OTOF: variants seen among roughly 807,000 people sequenced by gnomAD.
OTOF encodes fer-1-like family member 2.
A neutral mutation model predicts 236.8 loss-of-function variants in OTOF; 218 were observed. That is an observed-to-expected ratio of 0.92 (90% CI 0.82 to 1.03). OTOF has a LOEUF of 1.03. OTOF is among the 50% of genes least tolerant of loss of function. The pLI is 0.00. For missense variants in OTOF, 2,590 were observed against 2,694.4 expected, an observed-to-expected ratio of 0.96 and a Z score of 0.86; for synonymous variants, 1,041 against 1,072.5, an observed-to-expected ratio of 0.97 and a Z score of 0.57.
chr2:26,504,800 T>G (rs1554480), intron 5 of OTOF, among the ~76,000 whole-genome samples: 47,503 of 151,868 alleles, frequency 0.31, 8,670 homozygotes, highest in South Asian at 0.4. Context: ...ATTGCATGAG[T>G]GGATACCTGA....
Position 26,473,185 on chromosome 2 carries a change from C to T in OTOF, c.3680G>A (p.Arg1227Gln), listed in dbSNP as rs759559737. The change falls in exon 29 of 47, where the codon CGA becomes CAA. Residue 1227 changes from arginine (R) to glutamine (Q), a missense_variant. Physicochemically the swap from Arg to Gln is conservative, Grantham distance 43. Coordinates refer to ENST00000272371, the MANE Select transcript of OTOF (RefSeq NM_194248.3). The surrounding 1 kb of genome is among the most constrained non-coding windows in gnomAD (Gnocchi z 7.2). ...LVGSHAVSSL[R>Q]RFIYRPPDRS... ...GTCTGGGGGCCGGTAGATGAAGCGT[C>T]GCAGGGAGCTGACGGCATGGGAGCC... 9.9e-6 allele frequency: 16 copies of T among 1,612,850 alleles called. No homozygotes were observed. The highest frequency in any genetic ancestry group is 3.3e-5 in the South Asian group (3 of 91,072).
intron 5 of OTOF, among the ~76,000 whole-genome samples, chr2:26,506,976 T>C (rs1572460319): frequency 6.6e-6 from 1 of 152,252 alleles, no homozygotes; most frequent in South Asian, 2.1e-4. Flanking sequence ...GGCGACAGAG[T>C]GAGACTCTGT....
At chr2:26,494,594 C>T (rs1665929516) in intron 9 of OTOF, among the ~76,000 whole-genome samples, 1 of 146,960 alleles carries the variant, frequency 6.8e-6, no homozygotes, top group Admixed American at 7.0e-5. Context: ...TGGAATGAGG[C>T]AGCCCTGTCC....
chr2:26,495,287 G>A (rs112871281), intron 8 of OTOF, among the ~76,000 whole-genome samples: 4 of 152,288 alleles, frequency 2.6e-5, no homozygotes, highest in African/African-American at 7.2e-5. Flanking sequence ...TTATAGAGGA[G>A]TATGAGTTGG....
rs1667658713 is a variant in OTOF at position 26,558,688 on chromosome 2, C to T, written c.-117G>A. Reference sequence around the variant, plus strand: ...GCTGCCTCCTCCTCCTCCTCCCGACCCCCCTCCGATGCTGCCCACAGAGAC... The same window carrying T: ...GCTGCCTCCTCCTCCTCCTCCCGACTCCCCTCCGATGCTGCCCACAGAGAC... On this transcript the variant is annotated 5_prime_UTR_variant, in exon 1 of 47. Coordinates refer to ENST00000272371, the MANE Select transcript of OTOF (RefSeq NM_194248.3). The T allele has an allele frequency of 1.1e-6, 1 of 878,342 alleles. No individual in the cohort carries two copies. The highest frequency in any genetic ancestry group is 2.7e-5 in the East Asian group (1 of 37,668). The allele number at this position is 878,342 out of a possible 1,614,324, so 54.4% of individuals were successfully genotyped here.
chr2:26,473,636 C>A lies in OTOF; in HGVS notation c.3409-69G>T. 1 of 1,490,100 alleles carries A rather than the reference C, an allele frequency of 6.7e-7. No individual in the cohort carries two copies. Among genetic ancestry groups the A allele is most frequent in the East Asian group, 2.3e-5 (1 of 44,062 alleles). The allele number at this position is 1,490,100 out of a possible 1,614,324, so 92.3% of individuals were successfully genotyped here. A position where few individuals can be genotyped will look rare whatever the true frequency, so the allele number is the denominator to read the frequency against. ...GTCAAGGGAGCCAGCCATGGGGGTG[C>A]TGGACCATCCAATAGGGAACCGGGC... is the stretch of plus-strand genomic sequence containing the variant. On this transcript the variant is annotated intron_variant, in intron 27 of 46. Transcript: ENST00000272371. The surrounding 1 kb of genome is among the most constrained non-coding windows in gnomAD (Gnocchi z 7.2).
rs765608808 is a variant in OTOF at position 26,477,273 on chromosome 2, G to A, written c.2422C>T (p.Gln808Ter). 5 of 1,609,000 alleles carry A rather than the reference G, an allele frequency of 3.1e-6. No homozygotes were observed. Among genetic ancestry groups the A allele is most frequent in the Non-Finnish European group, 4.2e-6 (5 of 1,178,890 alleles). Residue 808 changes from glutamine to a stop codon, truncating the protein, a stop_gained, in exon 21 of 47, where the codon CAG becomes TAG. Coordinates refer to ENST00000272371, the MANE Select transcript of OTOF (RefSeq NM_194248.3). LOFTEE classifies it high-confidence loss of function. The surrounding 1 kb of genome is among the most constrained non-coding windows in gnomAD (Gnocchi z 4.7). ...ACCTGGGCCCGCAGCATCCTGGCCT[G>A]CTGCCCCATGTTTTCCTGCGAAGGA... ...CMRELENMGQ[Q>*]ARMLRAQVKR... is the part of the protein sequence containing the mutation.
chr2:26,544,746 A>G (rs770986346), intron 1 of OTOF, among the ~76,000 whole-genome samples: 28 of 152,228 alleles, frequency 1.8e-4, no homozygotes, highest in Non-Finnish European at 3.7e-4. Context: ...TAGCTTTATA[A>G]GAAATTGCTG....
chr2:26,474,238 A>G (rs1373655232), intron 26 of OTOF, 128 bp from the exon 27 acceptor site: 6 of 1,303,060 alleles, frequency 4.6e-6, no homozygotes, highest in Middle Eastern at 2.2e-4. Context: ...AGCTTTGGTC[A>G]GGATGGGTAG....
chr2:26,471,172 A>G (rs1161395791), intron 30 of OTOF, 22 bp from the exon 31 acceptor site: 2 of 1,614,006 alleles, frequency 1.2e-6, no homozygotes, highest in Non-Finnish European at 1.7e-6. Flanking sequence ...CCAAGGAGAC[A>G]GGGGCAGAAT....
At chr2:26,497,905 T>C (rs956306470) in intron 8 of OTOF, among the ~76,000 whole-genome samples, 4 of 151,992 alleles carry the variant, frequency 2.6e-5, no homozygotes, top group Non-Finnish European at 5.9e-5. Flanking sequence ...GTTTGTAGAG[T>C]TTTAACTTCC....
Position 26,482,396 on chromosome 2 carries a change from C to A in OTOF, c.1579+10G>T. On this transcript the variant is annotated intron_variant, in intron 14 of 46. Transcript: ENST00000272371. ...CTGCCCCCCAGCACACCGGGTCTCC[C>A]GCTGCTGACCTTTGTCTCCGTCATT... The A allele has an allele frequency of 6.2e-7, 1 of 1,612,776 alleles. No homozygotes were observed.
chr2:26,531,570 G>A (rs943550982), intron 2 of OTOF, among the ~76,000 whole-genome samples: 10 of 152,204 alleles, frequency 6.6e-5, no homozygotes, highest in Middle Eastern at 3.4e-3. Flanking sequence ...CCTCCCCTTC[G>A]CCGCCATCAC....
chr2:26,520,060 C>A (rs1345768600), intron 3 of OTOF, among the ~76,000 whole-genome samples: 2 of 152,204 alleles, frequency 1.3e-5, no homozygotes, highest in African/African-American at 4.8e-5. Flanking sequence ...GAGTTGACTT[C>A]AACCCCATTG....
In OTOF at chr2:26,460,792, C is replaced by A. The variant is rs1322988791; in HGVS notation, c.5713-45G>T. ...CCCAGCGTCCAGGCTGCGTGCTGGG[C>A]CCTTGGCACCCCAGCCAGTCCCAGC... On this transcript the variant is annotated intron_variant, in intron 44 of 46. Coordinates refer to ENST00000272371, the MANE Select transcript of OTOF (RefSeq NM_194248.3). The surrounding 1 kb of genome is among the most constrained non-coding windows in gnomAD (Gnocchi z 5.3). The A allele has an allele frequency of 1.3e-5, 21 of 1,612,356 alleles. No individual in the cohort carries two copies. The highest frequency in any genetic ancestry group is 1.8e-5 in the Non-Finnish European group (21 of 1,178,566).
At chr2:26,510,622 A>C in intron 5 of OTOF, 1 of 927,744 alleles carries the variant, frequency 1.1e-6, no homozygotes, top group Non-Finnish European at 1.5e-6. Flanking sequence ...AGCCGAGCCC[A>C]TCCCGCCCTC....
At position 26,463,528 on chromosome 2, in the gene OTOF, G is replaced by T; in HGVS notation, c.5147C>A (p.Pro1716Gln). Residue 1716 changes from proline (P) to glutamine (Q), a missense_variant, in exon 41 of 47, where the codon CCA becomes CAA. Transcript: ENST00000272371. ...LWVDMFPMDMPAPGTPLDISP... is the reference protein window; with the variant it reads ...LWVDMFPMDMQAPGTPLDISP... ...GATGTCCAGAGGCGTCCCAGGGGCT[G>T]GCATGTCCATGGGGAACATGTCCAC... The T allele has an allele frequency of 6.2e-7, 1 of 1,609,290 alleles. No homozygotes were observed. The highest frequency in any genetic ancestry group is 8.5e-7 in the Non-Finnish European group (1 of 1,178,174).
At chr2:26,541,270 G>A (rs182492628) in intron 1 of OTOF, among the ~76,000 whole-genome samples, 52 of 152,228 alleles carry the variant, frequency 3.4e-4, no homozygotes, top group Admixed American at 2.9e-3. Context: ...CCATAGCTTT[G>A]TTAGAGAGGA....
intron 12 of OTOF, 75 bp downstream of exon 12, chr2:26,484,398 CA>C: frequency 6.5e-7 from 1 of 1,536,028 alleles, no homozygotes; most frequent in Non-Finnish European, 9.0e-7. Context: ...GTGCTCTCAG[CA>C]AACCCTCACC....
Sources: gnomAD v4.1 joint callset for allele counts (sites outside exome capture counted in the v4.1 genomes callset) on GRCh38, gnomAD v4.1.1 for gene constraint, Gnocchi (gnomAD v3.1) non-coding constraint, MANE v1.5 for transcripts, NCBI Gene and HGNC (gene_info 2026-07-23, HGNC 2026-07-21) for gene names.